MARCHF1: variants seen among roughly 807,000 people sequenced by gnomAD.
MARCHF1 encodes the protein membrane associated ring-CH-type finger 1, also known as E3 ubiquitin-protein ligase MARCHF1.
In MARCHF1, 40 loss-of-function variants were observed where a neutral mutation model predicts 54.2. The ratio of observed to expected loss-of-function variants is 0.74; its 90% CI spans 0.57 to 0.96. The LOEUF (loss-of-function observed/expected upper bound fraction) is 0.96. MARCHF1 is among the 40% of genes least tolerant of loss of function. The pLI, the probability that MARCHF1 is intolerant of heterozygous loss-of-function variation, is 0.00. For missense variants in MARCHF1, 586 were observed against 656.5 expected (o/e 0.89, Z 1.17); for synonymous variants, 236 against 236.3 (o/e 1.00, Z 0.01).
At chr4:163,664,846 A>ACAT (rs1743475996) in intron 5 of MARCHF1, among the ~76,000 whole-genome samples, 1 of 152,102 alleles carries the variant, frequency 6.6e-6, no homozygotes, top group Non-Finnish European at 1.5e-5. Context: ...GGCACAGTAT[A>ACAT]CATAGGGCTT....
rs577812788 is a variant in MARCHF1, at chr4:163,525,928, T to A, written c.*2820A>T. 1 of 152,146 alleles carries A rather than the reference T, an allele frequency of 6.6e-6. No homozygotes were observed. The highest frequency in any genetic ancestry group is 2.4e-5 in the African/African-American group (1 of 41,454). 9.4% of individuals were successfully genotyped at this position (152,146 alleles called of 1,614,324 possible). On this transcript the variant is annotated 3_prime_UTR_variant, in exon 10 of 10. Coordinates refer to ENST00000514618, the MANE Select transcript of MARCHF1 (RefSeq NM_001394959.1). ...ATCAACATTAGATTTTAAATGCAGG[T>A]AGTTATTTCAGATGTTTGAACCATA...
At chr4:164,215,295 G>GCGTT (rs1384982277) in intron 1 of MARCHF1, among the ~76,000 whole-genome samples, 1 of 152,124 alleles carries the variant, frequency 6.6e-6, no homozygotes, top group Non-Finnish European at 1.5e-5. Flanking sequence ...TAGCCTGCCA[G>GCGTT]CGTTCTGGCG....
At chr4:163,545,953 G>GTA (rs1738888986) in intron 8 of MARCHF1, among the ~76,000 whole-genome samples, 1 of 94,974 alleles carries the variant, frequency 1.1e-5, no homozygotes, top group South Asian at 3.7e-4. Context: ...ACATATGTGT[G>GTA]TGTGTGTGTG....
chr4:164,220,584 G>GAT (rs1553992931), intron 1 of MARCHF1, among the ~76,000 whole-genome samples: 1 of 118,962 alleles, frequency 8.4e-6, no homozygotes, highest in South Asian at 2.8e-4. Flanking sequence ...TAATACATAT[G>GAT]ATATATGTAT....
chr4:163,719,878 G>GT (rs1159906154), intron 4 of MARCHF1, among the ~76,000 whole-genome samples: 1 of 152,106 alleles, frequency 6.6e-6, no homozygotes, highest in Non-Finnish European at 1.5e-5. Flanking sequence ...TGATGGGGTT[G>GT]TTTTTTTCTT....
chr4:164,030,840 T>G lies in MARCHF1; in HGVS notation c.-247-42131A>C, dbSNP rs143965055. Among the ~76,000 whole-genome samples the G allele has an allele frequency of 1.0e-3, 158 of 152,230 alleles. 1 individual carries two copies. The highest frequency in any genetic ancestry group is 4.3e-3 in the Admixed American group (66 of 15,282). ...TACTGAGAAGGTGAGATTAGAGTGG[T>G]GGATTGAAAATGCACAGGAGTTCAT... On this transcript the variant is annotated intron_variant, in intron 2 of 9. Transcript: ENST00000514618.
chr4:164,364,187 G>T (rs978462814), intron 1 of MARCHF1, among the ~76,000 whole-genome samples: 4 of 151,980 alleles, frequency 2.6e-5, no homozygotes, highest in Non-Finnish European at 5.9e-5. Flanking sequence ...TCAGAGAAAA[G>T]TTCTGGTATT....
At chr4:163,533,505 AATAATGTAAGAATATTG>A (rs1738425399) in intron 9 of MARCHF1, among the ~76,000 whole-genome samples, 2 of 151,870 alleles carry the variant, frequency 1.3e-5, no homozygotes, top group Non-Finnish European at 2.9e-5. Context: ...TATGAACTTT[AATAATGTAAGAATATTG>A]GCTCCTCAGT....
At chr4:164,044,593 G>A (rs1754200888) in intron 2 of MARCHF1, among the ~76,000 whole-genome samples, 2 of 152,032 alleles carry the variant, frequency 1.3e-5, no homozygotes, top group Admixed American at 1.3e-4. Context: ...AATCATTCAA[G>A]GAAAGGAGAA....
chr4:163,693,755 C>G (rs1744534315), intron 5 of MARCHF1, among the ~76,000 whole-genome samples: 1 of 152,142 alleles, frequency 6.6e-6, no homozygotes, highest in South Asian at 2.1e-4. Flanking sequence ...CTTAATAACA[C>G]ATGTTATATT....
In MARCHF1 at chr4:163,545,591, C is replaced by T; in HGVS notation, c.1339+5G>A. 1.2e-6 allele frequency: 2 copies of T among 1,612,356 alleles called. No individual in the cohort carries two copies. Among genetic ancestry groups the T allele is most frequent in the Non-Finnish European group, 1.7e-6 (2 of 1,179,196 alleles). On this transcript the variant is annotated splice_donor_5th_base_variant and intron_variant, in intron 9 of 9. Transcript: ENST00000514618. ...AAGAGGGTAAGAAGAAAGATGTGCT[C>T]TTACCATTGTCATTGCCTTGCTTGA...
intron 1 of MARCHF1, among the ~76,000 whole-genome samples, chr4:164,134,846 T>C (rs1211038612): frequency 2.5e-5 from 2 of 78,996 alleles, no homozygotes; most frequent in Non-Finnish European, 6.8e-5. Flanking sequence ...AGAATCAGTC[T>C]TAGTAAAAAA....
intron 5 of MARCHF1, among the ~76,000 whole-genome samples, chr4:163,678,364 T>C (rs991637634): frequency 4.6e-5 from 7 of 152,346 alleles, no homozygotes; most frequent in Admixed American, 3.3e-4. Flanking sequence ...TTAATTTTGG[T>C]ATAGCTTCCA....
Position 163,555,276 on chromosome 4 carries a change from C to T in MARCHF1, c.1192-9533G>A, listed in dbSNP as rs570797168. 4.6e-5 allele frequency among the ~76,000 whole-genome samples: 7 copies of T among 152,088 alleles called. No homozygotes were observed. In the East Asian group the frequency reaches 5.8e-4, roughly 13 times the overall value. On this transcript the variant is annotated intron_variant, in intron 8 of 9. Coordinates refer to ENST00000514618, the MANE Select transcript of MARCHF1 (RefSeq NM_001394959.1). Reference sequence around the variant, plus strand: ...GAATCTGCATTCCTGGCAGGCACTCCGAGAGATTTTTATATATGCTGAACT... The same window carrying T: ...GAATCTGCATTCCTGGCAGGCACTCTGAGAGATTTTTATATATGCTGAACT...
chr4:164,081,702 A>T (rs1360105988), intron 2 of MARCHF1, among the ~76,000 whole-genome samples: 1 of 152,132 alleles, frequency 6.6e-6, no homozygotes, highest in Non-Finnish European at 1.5e-5. Context: ...GCACATGTGC[A>T]TGCATATACA....
chr4:163,585,540 T>C (rs1161882154), intron 8 of MARCHF1: 2 of 388,084 alleles, frequency 5.2e-6, no homozygotes, highest in African/African-American at 4.1e-5. Context: ...AATATATCAA[T>C]CAGAAGCTCT....
rs370689999 is a variant in MARCHF1, at chr4:164,131,000, T to TC, written c.-322-19339dup. Among the ~76,000 whole-genome samples, 177 of 152,306 alleles carry TC rather than the reference T, an allele frequency of 1.2e-3. 1 individual carries two copies. The highest frequency in any genetic ancestry group is 4.1e-3 in the African/African-American group (170 of 41,572). ...TTGTGATTTTGTAAAATAACCTGAC[T>TC]CATTCCCCTCTTTGGGATTTAAACA... On this transcript the variant is annotated intron_variant, in intron 1 of 9. Transcript: ENST00000514618.
intron 2 of MARCHF1, among the ~76,000 whole-genome samples, chr4:164,075,493 G>A (rs1754957904): frequency 6.6e-6 from 1 of 152,214 alleles, no homozygotes; most frequent in Non-Finnish European, 1.5e-5. Context: ...GCCATAAGGA[G>A]CAGAGCCAGA....
chr4:163,642,187 T>A (rs963424693), intron 5 of MARCHF1, among the ~76,000 whole-genome samples: 1 of 152,218 alleles, frequency 6.6e-6, no homozygotes, highest in African/African-American at 2.4e-5. Context: ...GCGGTGCCAG[T>A]GATTGGGCTT....
Sources: gnomAD v4.1 joint callset for allele counts (sites outside exome capture counted in the v4.1 genomes callset) on GRCh38, gnomAD v4.1.1 for gene constraint, MANE v1.5 for transcripts, NCBI Gene and HGNC (gene_info 2026-07-23, HGNC 2026-07-21) for gene names.